The following ORAI2 variants were observed in gnomAD, a reference collection of about 807,000 sequenced individuals.
ORAI2 encodes the protein ORAI calcium release-activated calcium modulator 2, also known as protein orai-2.
A neutral mutation model predicts 16.2 loss-of-function variants in ORAI2; 10 were observed. That is an observed-to-expected ratio of 0.62 (90% CI 0.38 to 1.04). ORAI2 has a LOEUF of 1.04. ORAI2 is among the 50% of genes least tolerant of loss of function. The pLI is 0.01. For missense variants in ORAI2, 238 were observed against 355.5 expected (o/e 0.67, Z 2.66); for synonymous variants, 150 against 157.5 (o/e 0.95, Z 0.35).
In ORAI2 at chr7:102,439,012, C is replaced by G. The variant is rs1340787777; in HGVS notation, c.56C>G (p.Pro19Arg). Residue 19 changes from proline (P) to arginine (R), a missense_variant, in exon 3 of 4, where the codon CCC becomes CGC. Physicochemically the swap from Pro to Arg is moderately radical, Grantham distance 103. Coordinates refer to ENST00000495936, the MANE Select transcript of ORAI2 (RefSeq NM_001126340.3). Reference sequence around the variant, plus strand: ...CCCTCTGCTCCTGCCTGCCCTGAGCCCGGCCATAAGGGCATGGATTACCGG... The same window carrying G: ...CCCTCTGCTCCTGCCTGCCCTGAGCGCGGCCATAAGGGCATGGATTACCGG... ...IDPSAPACPE[P>R]GHKGMDYRDW... 6.2e-7 allele frequency: 1 copy of G among 1,613,910 alleles called. No individual in the cohort carries two copies. The highest frequency in any genetic ancestry group is 1.3e-5 in the African/African-American group (1 of 74,922).
At chr7:102,434,293 TG>T in intron 1 of ORAI2, among the ~76,000 whole-genome samples, 1 of 152,142 alleles carries the variant, frequency 6.6e-6, no homozygotes, top group South Asian at 2.1e-4. Context: ...CCACCGGGCC[TG>T]GCACACACAG....
intron 3 of ORAI2, among the ~76,000 whole-genome samples, chr7:102,443,661 TTAC>T (rs1326500025): frequency 6.6e-6 from 1 of 152,072 alleles, no homozygotes; most frequent in Non-Finnish European, 1.5e-5. Flanking sequence ...CCCAACTGTA[TTAC>T]TGCTGAGTTG....
In ORAI2 at chr7:102,447,378, T is replaced by C; in HGVS notation, c.*326T>C. The C allele has an allele frequency of 3.3e-6, 1 of 303,820 alleles. No individual in the cohort carries two copies. The highest frequency in any genetic ancestry group is 6.1e-6 in the Non-Finnish European group (1 of 163,056). 18.8% of individuals were successfully genotyped at this position (303,820 alleles called of 1,614,324 possible). A position where few individuals can be genotyped will look rare whatever the true frequency, so the allele number is the denominator to read the frequency against. On this transcript the variant is annotated 3_prime_UTR_variant, in exon 4 of 4. Coordinates refer to ENST00000495936, the MANE Select transcript of ORAI2 (RefSeq NM_001126340.3). ...AGGGGCTCCAAGCAGCACCCAGCGGTCCGGGGGAGTCTCAGACCCGGCATG... is the reference window on the plus strand; with the variant it reads ...AGGGGCTCCAAGCAGCACCCAGCGGCCCGGGGGAGTCTCAGACCCGGCATG...
intron 1 of ORAI2, among the ~76,000 whole-genome samples, chr7:102,435,729 G>A (rs1797043546): frequency 1.3e-5 from 2 of 151,974 alleles, no homozygotes; most frequent in South Asian, 4.2e-4. Flanking sequence ...CCGCCTCCTG[G>A]GATCAGGCAA....
Position 102,446,765 on chromosome 7 carries a change from C to T in ORAI2, c.478C>T (p.Leu160Phe). ...CTTCTCCACCGTGCTTGGCATCCTA[C>T]TCTTCCTGGCCGAGGTGGTGCTGCT... Reference protein sequence around the residue: ...WGFSTVLGILLFLAEVVLLCW... With the variant: ...WGFSTVLGILFFLAEVVLLCW... Residue 160 changes from leucine to phenylalanine, a missense_variant, in exon 4 of 4, where the codon CTC becomes TTC. Around this residue, in one of 3 missense-constraint regions of ORAI2, gnomAD observed 176 missense variants for 265.9 expected, o/e 0.66. Transcript: ENST00000495936. The T allele has an allele frequency of 6.2e-7, 1 of 1,614,194 alleles. No individual in the cohort carries two copies. The highest frequency in any genetic ancestry group is 8.5e-7 in the Non-Finnish European group (1 of 1,180,048).
Position 102,446,721 on chromosome 7 carries a change from A to G in ORAI2, c.434A>G (p.Tyr145Cys), listed in dbSNP as rs1407275676. 1 of 1,614,106 alleles carries G rather than the reference A, an allele frequency of 6.2e-7. No homozygotes were observed. Among genetic ancestry groups the G allele is most frequent in the Non-Finnish European group, 8.5e-7 (1 of 1,180,018 alleles). The change falls in exon 4 of 4, where the codon TAC becomes TGC. Residue 145 changes from tyrosine to cysteine, a missense_variant. Coordinates refer to ENST00000495936, the MANE Select transcript of ORAI2 (RefSeq NM_001126340.3). ...TCCCCGCATGAGCGCATGCACCCCT[A>G]CATCGAGCTGGCCTGGGGCTTCTCC... ...SESPHERMHP[Y>C]IELAWGFSTV...
chr7:102,435,529 C>T (rs6950952), intron 1 of ORAI2, among the ~76,000 whole-genome samples: 76,751 of 142,000 alleles, frequency 0.54, 20,261 homozygotes, highest in Middle Eastern at 0.68. Flanking sequence ...GAGGATTGCC[C>T]CCCCCTCTTT....
At chr7:102,445,641 G>C (rs1312702103) in intron 3 of ORAI2, among the ~76,000 whole-genome samples, 1 of 151,880 alleles carries the variant, frequency 6.6e-6, no homozygotes, top group African/African-American at 2.4e-5. Context: ...ATAGAGACAG[G>C]GTCTCCTTCT....
Position 102,446,558 on chromosome 7 carries a change from C to A in ORAI2, c.271C>A (p.Arg91=), listed in dbSNP as rs776485301. ...GCTGGAGACGCAGTACCAGTACCCGCGGCCGCTGCTGATTGCCTTCAGCGC... is the reference window on the plus strand; with the variant it reads ...GCTGGAGACGCAGTACCAGTACCCGAGGCCGCTGCTGATTGCCTTCAGCGC... ...VQLETQYQYP[R]PLLIAFSACT... is the part of the protein sequence containing the mutation. The change falls in exon 4 of 4, where the codon CGG becomes AGG. Residue 91 remains arginine, a synonymous_variant. Coordinates refer to ENST00000495936, the MANE Select transcript of ORAI2 (RefSeq NM_001126340.3). 6.2e-7 allele frequency: 1 copy of A among 1,612,494 alleles called. No homozygotes were observed. The highest frequency in any genetic ancestry group is 8.5e-7 in the Non-Finnish European group (1 of 1,179,694).
chr7:102,446,949 C>T lies in ORAI2; in HGVS notation c.662C>T (p.Ser221Phe). The T allele has an allele frequency of 6.2e-7, 1 of 1,612,086 alleles. No homozygotes were observed. Among genetic ancestry groups the T allele is most frequent in the Non-Finnish European group, 8.5e-7 (1 of 1,179,846 alleles). Residue 221 changes from serine (S) to phenylalanine (F), a missense_variant, in exon 4 of 4, where the codon TCC becomes TTC. Transcript: ENST00000495936. ...GTCTTCACCATCCACTTCTACCGCT[C>T]CCTGGTGCGCCACAAAACGGAGCGC... The part of the protein sequence containing the change: ...FVVFTIHFYR[S>F]LVRHKTERHN...
At chr7:102,444,119 T>C (rs1179697663) in intron 3 of ORAI2, among the ~76,000 whole-genome samples, 1 of 152,066 alleles carries the variant, frequency 6.6e-6, no homozygotes, top group Admixed American at 6.6e-5. Flanking sequence ...TTATTTTATC[T>C]TTTACTTTAT....
Position 102,446,812 on chromosome 7 carries a change from C to T in ORAI2, c.525C>T (p.Pro175=), listed in dbSNP as rs1172858953. ...VVLLCWIKFL[P]VDARRQPGPP... ...TGCTCTGCTGGATCAAGTTCCTCCC[C>T]GTGGATGCCCGGCGCCAGCCTGGCC... Residue 175 remains proline (P), a synonymous_variant, in exon 4 of 4, where the codon CCC becomes CCT. Transcript: ENST00000495936. 9.3e-6 allele frequency: 15 copies of T among 1,613,932 alleles called. No individual in the cohort carries two copies. Among genetic ancestry groups the T allele is most frequent in the East Asian group, 2.2e-5 (1 of 44,892 alleles).
At chr7:102,439,250 C>T in intron 3 of ORAI2, 69 bp downstream of exon 3, 2 of 1,349,660 alleles carry the variant, frequency 1.5e-6, no homozygotes, top group Non-Finnish European at 2.1e-6. Context: ...CCCGGGATGC[C>T]TCAGGGACCA....
chr7:102,440,814 C>T (rs143042466), intron 3 of ORAI2, among the ~76,000 whole-genome samples: 45 of 152,250 alleles, frequency 3.0e-4, no homozygotes, highest in Middle Eastern at 3.4e-3. Context: ...TTTCCCACCT[C>T]GGCCTCCCAA....
chr7:102,446,446 G>C, intron 3 of ORAI2, 67 bp from the exon 4 acceptor site: 1 of 1,483,712 alleles, frequency 6.7e-7, no homozygotes, highest in Non-Finnish European at 9.0e-7. Context: ...CTGCCTGGCA[G>C]GTGGCCCTGG....
Position 102,447,215 on chromosome 7 carries a change from C to G in ORAI2, c.*163C>G, listed in dbSNP as rs1407720619. 17 of 817,768 alleles carry G rather than the reference C, an allele frequency of 2.1e-5. No individual in the cohort carries two copies. Among genetic ancestry groups the G allele is most frequent in the Non-Finnish European group, 3.2e-5 (17 of 538,194 alleles). 50.7% of individuals were successfully genotyped at this position (817,768 alleles called of 1,614,324 possible). A position where few individuals can be genotyped will look rare whatever the true frequency, so the allele number is the denominator to read the frequency against. On this transcript the variant is annotated 3_prime_UTR_variant, in exon 4 of 4. Transcript: ENST00000495936. Reference sequence around the variant, plus strand: ...CTGGATGACTTCTCCTGAGATAGAACCGTTTGGTTCAATGAGGGACTGTGT... The same window carrying G: ...CTGGATGACTTCTCCTGAGATAGAAGCGTTTGGTTCAATGAGGGACTGTGT...
Position 102,454,543 on chromosome 7 carries a change from G to A in ORAI2, c.*7491G>A, listed in dbSNP as rs909904264. 1 of 152,732 alleles carries A rather than the reference G, an allele frequency of 6.5e-6. No individual in the cohort carries two copies. Among genetic ancestry groups the A allele is most frequent in the Admixed American group, 6.5e-5 (1 of 15,280 alleles). 9.5% of individuals were successfully genotyped at this position (152,732 alleles called of 1,614,324 possible). On this transcript the variant is annotated 3_prime_UTR_variant, in exon 4 of 4. Coordinates refer to ENST00000495936, the MANE Select transcript of ORAI2 (RefSeq NM_001126340.3). ...GCTCCTGTCCCTGCCTGTGAGGGAGGACCAGACTCGGCCTCACCACCTGCC... is the reference window on the plus strand; with the variant it reads ...GCTCCTGTCCCTGCCTGTGAGGGAGAACCAGACTCGGCCTCACCACCTGCC...
rs1004806964 is a variant in ORAI2, at chr7:102,452,160, T to C, written c.*5108T>C. The C allele has an allele frequency of 1.4e-5, 2 of 144,952 alleles. No individual in the cohort carries two copies. Among genetic ancestry groups the C allele is most frequent in the Non-Finnish European group, 3.0e-5 (2 of 66,136 alleles). 9.0% of individuals were successfully genotyped at this position (144,952 alleles called of 1,614,324 possible). On this transcript the variant is annotated 3_prime_UTR_variant, in exon 4 of 4. Transcript: ENST00000495936. ...CCTTTTTTTTTTTTTTGAGACAGAG[T>C]CGCTCTGTCACCCAAGCTGGAATGC...
rs965051431 is a variant in ORAI2, at chr7:102,446,873, G to A, written c.586G>A (p.Ala196Thr). The change falls in exon 4 of 4, where the codon GCC becomes ACC. Residue 196 changes from alanine to threonine, a missense_variant. Ala to Thr is a moderately conservative substitution (Grantham distance 58, BLOSUM62 0). Around this residue, in one of 3 missense-constraint regions of ORAI2, gnomAD observed 176 missense variants for 265.9 expected, o/e 0.66. Coordinates refer to ENST00000495936, the MANE Select transcript of ORAI2 (RefSeq NM_001126340.3). ...PGPGSHTGWQ[A>T]ALVSTIIMVP... ...CCCTGGGAGTCACACGGGCTGGCAGGCCGCCCTGGTGTCCACCATCATCAT... is the reference window on the plus strand; with the variant it reads ...CCCTGGGAGTCACACGGGCTGGCAGACCGCCCTGGTGTCCACCATCATCAT... 3.1e-6 allele frequency: 5 copies of A among 1,613,510 alleles called. No individual in the cohort carries two copies. The highest frequency in any genetic ancestry group is 4.2e-6 in the Non-Finnish European group (5 of 1,179,986).
Sources: gnomAD v4.1 joint callset for allele counts (sites outside exome capture counted in the v4.1 genomes callset) on GRCh38, gnomAD v4.1.1 for gene constraint, gnomAD v4.1.1 regional missense constraint, MANE v1.5 for transcripts, NCBI Gene and HGNC (gene_info 2026-07-23, HGNC 2026-07-21) for gene names.